PLEKHH1: variants seen among roughly 807,000 people sequenced by gnomAD.
PLEKHH1 encodes pleckstrin homology, MyTH4 and FERM domain containing H1, also known as pleckstrin homology domain-containing family H member 1.
Under a neutral mutation model 160.0 loss-of-function variants are expected in PLEKHH1, and 104 were observed. The ratio of observed to expected loss-of-function variants is 0.65; its 90% CI spans 0.55 to 0.76. The LOEUF is 0.76. PLEKHH1 is among the 30% of genes least tolerant of loss of function. The pLI, the probability that PLEKHH1 is intolerant of heterozygous loss-of-function variation, is 0.00. For missense variants in PLEKHH1, 1,427 were observed against 1,724.1 expected (o/e 0.83, Z 3.05); for synonymous variants, 619 against 678.4 (o/e 0.91, Z 1.36).
chr14:67,577,948 A>C, intron 18 of PLEKHH1, 75 bp from the exon 19 acceptor site: 1 of 1,415,930 alleles, frequency 7.1e-7, no homozygotes, highest in Non-Finnish European at 9.7e-7. Context: ...GAGCCCTTGG[A>C]AAATGGCCAA....
chr14:67,583,384 G>A (rs1044930727), intron 24 of PLEKHH1, among the ~76,000 whole-genome samples: 3 of 152,168 alleles, frequency 2.0e-5, no homozygotes, highest in Admixed American at 2.0e-4. Context: ...ACACTCTGCT[G>A]TACTCTAGGA....
Position 67,578,836 on chromosome 14 carries a change from T to C in PLEKHH1, c.2849+205T>C, listed in dbSNP as rs540966168. On this transcript the variant is annotated intron_variant, in intron 20 of 28. Coordinates refer to ENST00000329153, the MANE Select transcript of PLEKHH1 (RefSeq NM_020715.3). The surrounding 1 kb of genome is among the most constrained non-coding windows in gnomAD (Gnocchi z 5.0). ...TTAAGCTTCTCTGCACGCCAATCCA[T>C]GTATCCACGGATGTACTGTGGCAAC... Among the ~76,000 whole-genome samples the C allele has an allele frequency of 7.2e-4, 109 of 152,326 alleles. No individual in the cohort carries two copies. Among genetic ancestry groups the C allele is most frequent in the South Asian group, 3.1e-3 (15 of 4,826 alleles).
In PLEKHH1 at chr14:67,589,419, T is replaced by A; in HGVS notation, c.*2184T>A. ...CTCATCCTTCTTGGCAAAAGTAGCT[T>A]TTGAACTGATATAAAAAAAAATGCT... On this transcript the variant is annotated 3_prime_UTR_variant, in exon 29 of 29. Coordinates refer to ENST00000329153, the MANE Select transcript of PLEKHH1 (RefSeq NM_020715.3). 1.0e-6 allele frequency: 1 copy of A among 985,378 alleles called. No individual in the cohort carries two copies. Among genetic ancestry groups the A allele is most frequent in the Admixed American group, 6.1e-5 (1 of 16,276 alleles). 61.0% of individuals were successfully genotyped at this position (985,378 alleles called of 1,614,324 possible).
chr14:67,555,896 G>C lies in PLEKHH1; in HGVS notation c.189+9G>C. On this transcript the variant is annotated intron_variant, in intron 3 of 28. Coordinates refer to ENST00000329153, the MANE Select transcript of PLEKHH1 (RefSeq NM_020715.3). ...AGAACGCTGAGACCCAGGTAACCAG[G>C]GGAGGGGATCGGCGGGAATATGCAG... is the stretch of plus-strand genomic sequence containing the variant. 1.2e-6 allele frequency: 2 copies of C among 1,613,234 alleles called. No individual in the cohort carries two copies. Among genetic ancestry groups the C allele is most frequent in the Non-Finnish European group, 1.7e-6 (2 of 1,179,564 alleles).
chr14:67,573,983 A>T lies in PLEKHH1; in HGVS notation c.1926+96A>T. 1 of 885,368 alleles carries T rather than the reference A, an allele frequency of 1.1e-6. No homozygotes were observed. The highest frequency in any genetic ancestry group is 1.9e-6 in the Non-Finnish European group (1 of 531,650). The allele number at this position is 885,368 out of a possible 1,614,324, so 54.8% of individuals were successfully genotyped here. A position where few individuals can be genotyped will look rare whatever the true frequency, so the allele number is the denominator to read the frequency against. ...ACAAAGATGGGGCCAAATGAGCATG[A>T]ATGAAAGACTTCAGATCAACATTTG... On this transcript the variant is annotated intron_variant, in intron 13 of 28. Coordinates refer to ENST00000329153, the MANE Select transcript of PLEKHH1 (RefSeq NM_020715.3). This position sits in a 1 kb window ranked among gnomAD's most constrained non-coding sequence, Gnocchi z 4.8.
chr14:67,558,467 A>G (rs992967265), intron 4 of PLEKHH1, among the ~76,000 whole-genome samples: 35 of 152,184 alleles, frequency 2.3e-4, no homozygotes, highest in Admixed American at 2.3e-3. Context: ...GACACATGGA[A>G]TCTCTGATCA....
chr14:67,557,388 C>T lies in PLEKHH1; in HGVS notation c.309C>T (p.Ile103=). 1.2e-6 allele frequency: 2 copies of T among 1,613,788 alleles called. No homozygotes were observed. Among genetic ancestry groups the T allele is most frequent in the South Asian group, 1.1e-5 (1 of 91,058 alleles). ...CCATAAAGGGCAAAGATGAGCTCAT[C>T]AGCCAGCTAGAGGCTCAGCTGGAGA... The part of the protein sequence containing the change: ...LKAIKGKDEL[I]SQLEAQLEKQ... The change falls in exon 4 of 29, where the codon ATC becomes ATT. Residue 103 remains isoleucine (I), a synonymous_variant. Coordinates refer to ENST00000329153, the MANE Select transcript of PLEKHH1 (RefSeq NM_020715.3).
intron 4 of PLEKHH1, 125 bp downstream of exon 4, chr14:67,557,543 T>C: frequency 1.3e-6 from 1 of 780,722 alleles, no homozygotes; most frequent in South Asian, 2.2e-5. Flanking sequence ...CTGAGCCTAT[T>C]CTTTTATGTG....
chr14:67,561,809 G>A, intron 5 of PLEKHH1, 145 bp from the exon 6 acceptor site: 1 of 647,766 alleles, frequency 1.5e-6, no homozygotes, highest in Non-Finnish European at 2.7e-6. Context: ...GGTCAAGGCT[G>A]CAGTGAGCCA....
At chr14:67,552,672 C>G (rs1224759076) in intron 2 of PLEKHH1, among the ~76,000 whole-genome samples, 1 of 151,576 alleles carries the variant, frequency 6.6e-6, no homozygotes, top group Non-Finnish European at 1.5e-5. Flanking sequence ...GAGGCTAAGG[C>G]AGGAGAATGG....
In PLEKHH1 at chr14:67,571,828, G is replaced by C. The variant is rs777928662; in HGVS notation, c.1511G>C (p.Ser504Thr). The C allele has an allele frequency of 5.6e-6, 9 of 1,613,828 alleles. No homozygotes were observed. The Admixed American group carries it at 1.2e-4, about 21-fold the overall frequency. ...GSDDDCSSQA[S>T]FRISVPSSES... ...GACGATGACTGCAGCTCTCAGGCGA[G>C]TTTCCGAATCTCGGTCCCCTCCTCT... Residue 504 changes from serine (S) to threonine (T), a missense_variant, in exon 10 of 29, where the codon AGT (serine) becomes ACT (threonine). Physicochemically the swap from Ser to Thr is moderately conservative, Grantham distance 58. This residue lies in a region of PLEKHH1 where 831 missense variants were observed against 929.2 expected (regional missense o/e 0.89). Transcript: ENST00000329153.
At chr14:67,556,255 A>G (rs1025295702) in intron 3 of PLEKHH1, among the ~76,000 whole-genome samples, 1 of 152,170 alleles carries the variant, frequency 6.6e-6, no homozygotes, top group Non-Finnish European at 1.5e-5. Context: ...TAGCTGGACC[A>G]CTTGGAATGC....
In PLEKHH1 at chr14:67,582,995, C is replaced by T. The variant is rs185365788; in HGVS notation, c.3427-746C>T. Among the ~76,000 whole-genome samples the T allele has an allele frequency of 1.3e-5, 2 of 152,314 alleles. No homozygotes were observed. The highest frequency in any genetic ancestry group is 2.1e-4 in the South Asian group (1 of 4,828). On this transcript the variant is annotated intron_variant, in intron 24 of 28. Transcript: ENST00000329153. The surrounding 1 kb of genome is among the most constrained non-coding windows in gnomAD (Gnocchi z 5.0). ...AGACTTAGGAAGAGGAACACACATT[C>T]AGACTTGGACTCTCCTTCCCATTAT...
intron 2 of PLEKHH1, among the ~76,000 whole-genome samples, 189 bp downstream of exon 2, chr14:67,542,182 T>TA (rs146682302): frequency 0.092 from 13,974 of 152,252 alleles, 721 homozygotes; most frequent in East Asian, 0.14. Context: ...CTTGCTTGCG[T>TA]CTTTGCTCGC....
intron 22 of PLEKHH1, chr14:67,580,128 CAGA>C: frequency 4.7e-6 from 2 of 423,732 alleles, no homozygotes; most frequent in Non-Finnish European, 8.6e-6. Flanking sequence ...GTGCAGCGTC[CAGA>C]AGAAAAGCCT....
At chr14:67,545,008 A>T (rs2034119653) in intron 2 of PLEKHH1, among the ~76,000 whole-genome samples, 1 of 152,250 alleles carries the variant, frequency 6.6e-6, no homozygotes, top group Non-Finnish European at 1.5e-5. Flanking sequence ...TAAAAATCAC[A>T]GTTTGGTTAG....
intron 24 of PLEKHH1, among the ~76,000 whole-genome samples, 159 bp from the exon 25 acceptor site, chr14:67,583,581 TA>T (rs1368775166): frequency 6.6e-6 from 1 of 152,238 alleles, no homozygotes; most frequent in Non-Finnish European, 1.5e-5. Context: ...CTAGTGTCTA[TA>T]AAACTTGAGA....
At chr14:67,565,808 C>T (rs996494091) in intron 7 of PLEKHH1, among the ~76,000 whole-genome samples, 1 of 152,102 alleles carries the variant, frequency 6.6e-6, no homozygotes, top group African/African-American at 2.4e-5. Flanking sequence ...GCAGTAACTC[C>T]CAGGGCCTCC....
chr14:67,571,398 T>C (rs920753365), intron 9 of PLEKHH1: 3 of 217,404 alleles, frequency 1.4e-5, no homozygotes, highest in Non-Finnish European at 2.8e-5. Context: ...TCATTGATTG[T>C]TGCGACGTCC....
Sources: allele counts gnomAD v4.1 joint callset (sites outside exome capture counted in the v4.1 genomes callset), GRCh38; gene constraint gnomAD v4.1.1; regional missense constraint gnomAD v4.1.1; non-coding constraint Gnocchi (gnomAD v3.1); transcripts MANE v1.5; gene names NCBI Gene and HGNC (gene_info 2026-07-23, HGNC 2026-07-21).